Variants in CYP2C19 observed in about 807,000 individuals in gnomAD.
The protein encoded by CYP2C19 is cytochrome P450 family 2 subfamily C member 19, also known as cytochrome P450 2C19.
A neutral mutation model predicts 40.9 loss-of-function variants in CYP2C19; 59 were observed. The ratio of observed to expected loss-of-function variants is 1.44; its 90% CI spans 1.17 to 1.79. The LOEUF is 1.79. Ranked by LOEUF, CYP2C19 falls within the 40% of genes most tolerant of loss-of-function variation. CYP2C19 has a pLI of 0.00. For synonymous variants in CYP2C19, 253 were observed against 208.7 expected, an observed-to-expected ratio of 1.21 and a Z score of -1.83; for missense variants, 754 against 596.9, an observed-to-expected ratio of 1.26 and a Z score of -2.74.
At chr10:94,841,179 T>G (rs1398409265) in intron 6 of CYP2C19, among the ~76,000 whole-genome samples, 1 of 152,070 alleles carries the variant, frequency 6.6e-6, no homozygotes, top group Admixed American at 6.6e-5. Context: ...GTGTTATAGC[T>G]CTACTAAAAG....
At chr10:94,795,073 T>C (rs908856456) in intron 5 of CYP2C19, among the ~76,000 whole-genome samples, 3 of 151,800 alleles carry the variant, frequency 2.0e-5, no homozygotes, top group Admixed American at 2.0e-4. Context: ...GTTACATATG[T>C]ATACATGTGC....
intron 1 of CYP2C19, among the ~76,000 whole-genome samples, chr10:94,771,026 T>C (rs986520140): frequency 6.6e-6 from 1 of 152,172 alleles, no homozygotes; most frequent in Non-Finnish European, 1.5e-5. Flanking sequence ...AACAATAGCA[T>C]GACATCTCTC....
intron 4 of CYP2C19, 75 bp from the exon 5 acceptor site, chr10:94,781,746 C>T: frequency 1.5e-6 from 1 of 673,066 alleles, no homozygotes; most frequent in Non-Finnish European, 2.1e-6. Context: ...TTTTAAATTA[C>T]AACCAGAGCT....
chr10:94,845,914 T>C (rs1489348158), intron 7 of CYP2C19, among the ~76,000 whole-genome samples: 1 of 152,060 alleles, frequency 6.6e-6, no homozygotes, highest in Non-Finnish European at 1.5e-5. Context: ...CATATGGCAG[T>C]GTGTATATAT....
intron 6 of CYP2C19, among the ~76,000 whole-genome samples, chr10:94,840,812 A>G (rs1849483448): frequency 6.6e-6 from 1 of 152,032 alleles, no homozygotes; most frequent in Non-Finnish European, 1.5e-5. Flanking sequence ...TCCCAATAGA[A>G]GGGTTGGTTG....
intron 5 of CYP2C19, among the ~76,000 whole-genome samples, chr10:94,784,890 C>A (rs1428944094): frequency 6.6e-6 from 1 of 151,984 alleles, no homozygotes. Flanking sequence ...ATGCCCAGCT[C>A]TCATTGTGGT....
chr10:94,854,674 A>AAT lies in CYP2C19; in HGVS notation c.*1769_*1770dup, dbSNP rs1011263945. ...GTGTACATTATGTGCATTCACACAT[A>AAT]ATATATATATGTATAACTTATGCAC... On this transcript the variant is annotated 3_prime_UTR_variant, in exon 9 of 9. Coordinates refer to ENST00000371321, the MANE Select transcript of CYP2C19 (RefSeq NM_000769.4). Among the ~76,000 whole-genome samples the AAT allele has an allele frequency of 2.0e-5, 3 of 151,754 alleles. No individual in the cohort carries two copies. The highest frequency in any genetic ancestry group is 2.9e-5 in the Non-Finnish European group (2 of 67,982).
intron 6 of CYP2C19, among the ~76,000 whole-genome samples, chr10:94,830,288 T>A (rs1184118934): frequency 6.6e-6 from 1 of 152,222 alleles, no homozygotes; most frequent in South Asian, 2.1e-4. Context: ...CTCAGACTGC[T>A]GTGCTAGCAA....
At chr10:94,792,141 CT>C (rs1472665381) in intron 5 of CYP2C19, among the ~76,000 whole-genome samples, 1 of 152,034 alleles carries the variant, frequency 6.6e-6, no homozygotes, top group Non-Finnish European at 1.5e-5. Context: ...CTCTTTTGAT[CT>C]TTGTTGGTTA....
intron 6 of CYP2C19, among the ~76,000 whole-genome samples, chr10:94,837,208 A>T (rs1397591161): frequency 1.3e-5 from 2 of 151,988 alleles, no homozygotes; most frequent in African/African-American, 4.8e-5. Flanking sequence ...GGGTTTCTGT[A>T]CTCCTAAAAT....
chr10:94,818,296 T>C (rs1338900560), intron 5 of CYP2C19, among the ~76,000 whole-genome samples: 1 of 149,536 alleles, frequency 6.7e-6, no homozygotes, highest in East Asian at 2.0e-4. Flanking sequence ...ACTGTAGCCT[T>C]GTAGTATAGT....
chr10:94,799,574 C>T (rs769676228), intron 5 of CYP2C19, among the ~76,000 whole-genome samples: 4 of 151,936 alleles, frequency 2.6e-5, no homozygotes, highest in African/African-American at 4.8e-5. Flanking sequence ...GGAAGTTCTT[C>T]ACTTCCTGAA....
At chr10:94,806,284 A>G (rs994088238) in intron 5 of CYP2C19, among the ~76,000 whole-genome samples, 10 of 152,050 alleles carry the variant, frequency 6.6e-5, no homozygotes, top group African/African-American at 2.4e-4. Context: ...TATAAACCAA[A>G]TTTGCTTACC....
rs74152370 is a variant in CYP2C19, at chr10:94,820,382, C to G, written c.820-114C>G. 1.5e-3 allele frequency: 1,841 copies of G among 1,233,386 alleles called. 21 individuals carry two copies. The African/African-American group carries it at 0.025, about 17-fold the overall frequency. The allele number at this position is 1,233,386 out of a possible 1,614,324, so 76.4% of individuals were successfully genotyped here. ...TCCTATTCAATATTTTTTTCTAGTA[C>G]TATACTTTACAGTTTCTATGTTGGT... On this transcript the variant is annotated intron_variant, in intron 5 of 8. Transcript: ENST00000371321.
At chr10:94,823,096 G>A (rs1828554561) in intron 6 of CYP2C19, among the ~76,000 whole-genome samples, 1 of 152,078 alleles carries the variant, frequency 6.6e-6, no homozygotes, top group African/African-American at 2.4e-5. Context: ...GGATAAACTT[G>A]TAACCAAAAA....
At chr10:94,764,324 C>T (rs945887589) in intron 1 of CYP2C19, among the ~76,000 whole-genome samples, 1 of 152,134 alleles carries the variant, frequency 6.6e-6, no homozygotes, top group Non-Finnish European at 1.5e-5. Flanking sequence ...TCTGTTTTTA[C>T]AGAGTGCTGA....
chr10:94,852,680 A>C, intron 8 of CYP2C19, 53 bp from the exon 9 acceptor site: 8 of 1,582,330 alleles, frequency 5.1e-6, no homozygotes, highest in Non-Finnish European at 6.9e-6. Context: ...AGTGTTTGTC[A>C]CTCTCACAGT....
chr10:94,849,009 C>A (rs1294634671), intron 7 of CYP2C19, among the ~76,000 whole-genome samples: 1 of 152,166 alleles, frequency 6.6e-6, no homozygotes, highest in Non-Finnish European at 1.5e-5. Flanking sequence ...GATGTACAAT[C>A]ATGTCATCTG....
intron 8 of CYP2C19, among the ~76,000 whole-genome samples, chr10:94,850,907 A>G (rs1428600869): frequency 6.6e-6 from 1 of 152,190 alleles, no homozygotes; most frequent in Non-Finnish European, 1.5e-5. Flanking sequence ...TGGATGTTTG[A>G]TCTCCACACG....
Sources: gnomAD v4.1 joint callset for allele counts (sites outside exome capture counted in the v4.1 genomes callset) on GRCh38, gnomAD v4.1.1 for gene constraint, MANE v1.5 for transcripts, NCBI Gene and HGNC (gene_info 2026-07-23, HGNC 2026-07-21) for gene names.